Variants in SPTB observed in about 807,000 individuals in gnomAD.
SPTB encodes spectrin beta, erythrocytic, also known as spectrin beta chain, erythrocytic.
SPTB carries 45 observed loss-of-function variants against 256.2 expected under a neutral mutation model. That is an observed-to-expected ratio of 0.18 (90% CI 0.14 to 0.23). The LOEUF is 0.23. Ranked by LOEUF, SPTB falls within the 10% of genes least tolerant of loss-of-function variation. SPTB has a pLI of 1.00. For missense variants in SPTB, 2,715 were observed against 3,040.4 expected, an observed-to-expected ratio of 0.89 and a Z score of 2.52; for synonymous variants, 1,231 against 1,243.1, an observed-to-expected ratio of 0.99 and a Z score of 0.21.
At chr14:64,830,689 C>T (rs2083441155) in intron 1 of SPTB, among the ~76,000 whole-genome samples, 1 of 152,168 alleles carries the variant, frequency 6.6e-6, no homozygotes, top group Non-Finnish European at 1.5e-5. Flanking sequence ...TGTCCGTGCT[C>T]AGCCCCTTCA....
chr14:64,773,748 A>C (rs1301773189), intron 24 of SPTB, among the ~76,000 whole-genome samples: 3 of 152,180 alleles, frequency 2.0e-5, no homozygotes, highest in Non-Finnish European at 4.4e-5. Flanking sequence ...GGGGAGCAGC[A>C]CTACCTGAGT....
At chr14:64,809,852 G>A (rs569970861) in intron 2 of SPTB, among the ~76,000 whole-genome samples, 58 of 152,222 alleles carry the variant, frequency 3.8e-4, no homozygotes, top group African/African-American at 1.3e-3. Flanking sequence ...CCTGAGGCAG[G>A]CACAAGAAAA....
In SPTB at chr14:64,775,369, C is replaced by T. The variant is rs868739957; in HGVS notation, c.4598G>A (p.Arg1533Gln). Residue 1533 changes from arginine (R) to glutamine (Q), a missense_variant, in exon 23 of 36, where the codon CGG becomes CAG. This residue lies in a region of SPTB where 2,239 missense variants were observed against 2,384.4 expected (regional missense o/e 0.94). Coordinates refer to ENST00000644917, the MANE Select transcript of SPTB (RefSeq NM_001355436.2). This position sits in a 1 kb window ranked among gnomAD's most constrained non-coding sequence, Gnocchi z 5.0. Reference protein sequence around the residue: ...LQNEILGHTPRVEDVLQRGQQ... With the variant: ...LQNEILGHTPQVEDVLQRGQQ... ...CCCTCTCTGCAGCACATCCTCAACC[C>T]GCGGCGTATGGCCCAGAATCTCATT... The T allele has an allele frequency of 4.3e-6, 7 of 1,613,058 alleles. No homozygotes were observed. Among genetic ancestry groups the T allele is most frequent in the East Asian group, 4.5e-5 (2 of 44,884 alleles).
intron 1 of SPTB, among the ~76,000 whole-genome samples, chr14:64,828,998 T>C (rs1028469568): frequency 6.6e-6 from 1 of 152,238 alleles, no homozygotes; most frequent in African/African-American, 2.4e-5. Context: ...AATGGGTTGA[T>C]GGGTGAACTT....
intron 18 of SPTB, among the ~76,000 whole-genome samples, chr14:64,784,704 AC>A (rs1209124244): frequency 6.6e-6 from 1 of 152,218 alleles, no homozygotes; most frequent in Non-Finnish European, 1.5e-5. Flanking sequence ...TAGGAACCCA[AC>A]GAGTGTTTAC....
chr14:64,794,688 T>G, intron 12 of SPTB, 71 bp from the exon 13 acceptor site: 3 of 1,587,874 alleles, frequency 1.9e-6, no homozygotes, highest in Non-Finnish European at 2.6e-6. Flanking sequence ...AAGAGACCCC[T>G]GCAAAGGGCA....
intron 3 of SPTB, 55 bp from the exon 4 acceptor site, chr14:64,803,835 A>G: frequency 6.5e-7 from 1 of 1,547,864 alleles, no homozygotes; most frequent in Non-Finnish European, 8.8e-7. Context: ...GTCATCCCAG[A>G]GGCTGCAGCG....
rs2082525424 is a variant in SPTB at position 64,784,360 on chromosome 14, A to C, written c.3889T>G (p.Ser1297Ala). 6.2e-6 allele frequency: 10 copies of C among 1,614,118 alleles called. No individual in the cohort carries two copies. Among genetic ancestry groups the C allele is most frequent in the Non-Finnish European group, 7.6e-6 (9 of 1,180,046 alleles). ...TLWINDKLLT[S>A]QDVSYDEARN... ...GCTTCATCATAGGAGACATCCTGAG[A>C]TGTCAGCAGCTTGTCGTTGATCCAG... is the stretch of plus-strand genomic sequence containing the variant. Residue 1297 changes from serine (S) to alanine (A), a missense_variant, in exon 19 of 36, where the codon TCT (serine) becomes GCT (alanine). Physicochemically the swap from Ser to Ala is moderately conservative, Grantham distance 99. Around this residue, in one of 4 missense-constraint regions of SPTB, gnomAD observed 2,239 missense variants for 2,384.4 expected, o/e 0.94. Transcript: ENST00000644917.
In SPTB at chr14:64,866,306, G is replaced by A. The variant is rs1336869926; in HGVS notation, c.-52+13486C>T. ...GTTTGCTGACTGTTGTCTGCTTATC[G>A]CTGGCCTCAGGACACCCGTAAGAGC... On this transcript the variant is annotated intron_variant, in intron 1 of 35. Transcript: ENST00000644917. This position sits in a 1 kb window ranked among gnomAD's most constrained non-coding sequence, Gnocchi z 4.6. Among the ~76,000 whole-genome samples the A allele has an allele frequency of 1.3e-5, 2 of 152,052 alleles. No homozygotes were observed. The highest frequency in any genetic ancestry group is 4.8e-5 in the African/African-American group (2 of 41,382).
At chr14:64,830,147 G>A (rs2083430899) in intron 1 of SPTB, among the ~76,000 whole-genome samples, 1 of 151,734 alleles carries the variant, frequency 6.6e-6, no homozygotes, top group Admixed American at 6.6e-5. Flanking sequence ...AATTATTCAT[G>A]TATCTGTCTG....
chr14:64,869,359 A>G (rs945775081), intron 1 of SPTB, among the ~76,000 whole-genome samples: 3 of 152,204 alleles, frequency 2.0e-5, no homozygotes, highest in African/African-American at 7.2e-5. Context: ...AATTTCAAAC[A>G]TTCATTCTTT....
chr14:64,801,437 A>G, intron 6 of SPTB, 37 bp from the exon 7 acceptor site: 2 of 1,497,608 alleles, frequency 1.3e-6, no homozygotes, highest in South Asian at 1.1e-5. Context: ...GGGAGTAGCC[A>G]CAGCATCCCC....
chr14:64,773,741 G>A (rs1243264189), intron 24 of SPTB, among the ~76,000 whole-genome samples: 1 of 152,190 alleles, frequency 6.6e-6, no homozygotes, highest in South Asian at 2.1e-4. Context: ...GAGGCTGGGG[G>A]AGCAGCACTA....
intron 1 of SPTB, among the ~76,000 whole-genome samples, chr14:64,867,144 C>T (rs557498749): frequency 6.6e-6 from 1 of 152,192 alleles, no homozygotes; most frequent in South Asian, 2.1e-4. Context: ...AGACAGCCTC[C>T]ACTCAAGTCT....
intron 9 of SPTB, 89 bp from the exon 10 acceptor site, chr14:64,797,935 G>A (rs907057442): frequency 2.3e-6 from 2 of 881,868 alleles, no homozygotes; most frequent in Non-Finnish European, 3.9e-6. Flanking sequence ...GTGGCATCTT[G>A]AAGCGTAGAT....
intron 26 of SPTB, among the ~76,000 whole-genome samples, chr14:64,771,658 C>A (rs149833079): frequency 7.2e-5 from 11 of 152,106 alleles, no homozygotes; most frequent in African/African-American, 2.2e-4. Flanking sequence ...GCACCAGATC[C>A]CCTGATTGAG....
Position 64,783,208 on chromosome 14 carries a change from AT to A in SPTB, c.4003-656del, listed in dbSNP as rs59708222. Among the ~76,000 whole-genome samples the A allele has an allele frequency of 3.6e-3, 524 of 146,368 alleles. 4 individuals carry two copies. The highest frequency in any genetic ancestry group is 0.022 in the East Asian group (111 of 5,020). The stretch of plus-strand genomic sequence containing the variant: ...GAATCTATATCACTAATAATAGTTA[AT>A]TTTTTTTTTTTTGAGACAGCGTCTC... On this transcript the variant is annotated intron_variant, in intron 19 of 35. Coordinates refer to ENST00000644917, the MANE Select transcript of SPTB (RefSeq NM_001355436.2).
chr14:64,761,387 G>A (rs954132628), intron 32 of SPTB, among the ~76,000 whole-genome samples: 6 of 152,136 alleles, frequency 3.9e-5, no homozygotes, highest in African/African-American at 1.4e-4. Context: ...TTGCTGAACA[G>A]GGGGAAAGAG....
At chr14:64,835,628 C>G (rs2083512730) in intron 1 of SPTB, among the ~76,000 whole-genome samples, 1 of 152,192 alleles carries the variant, frequency 6.6e-6, no homozygotes, top group South Asian at 2.1e-4. Flanking sequence ...CAGCCCTGTG[C>G]TGGGCTCTGC....
Sources: allele counts gnomAD v4.1 joint callset (sites outside exome capture counted in the v4.1 genomes callset), GRCh38; gene constraint gnomAD v4.1.1; regional missense constraint gnomAD v4.1.1; non-coding constraint Gnocchi (gnomAD v3.1); transcripts MANE v1.5; gene names NCBI Gene and HGNC (gene_info 2026-07-23, HGNC 2026-07-21).